Variants in SHISA9 observed in about 807,000 individuals in gnomAD.
SHISA9 encodes the protein protein shisa-9.
SHISA9 carries 13 observed loss-of-function variants against 38.0 expected under a neutral mutation model. The observed-to-expected ratio is 0.34, with a 90% CI of 0.22 to 0.54. The LOEUF (loss-of-function observed/expected upper bound fraction) is 0.54. SHISA9 is among the 20% of genes least tolerant of loss of function. The pLI is 0.91. For synonymous variants in SHISA9, 275 were observed against 242.0 expected (o/e 1.14, Z -1.27); for missense variants, 538 against 575.8 (o/e 0.93, Z 0.67).
At chr16:13,443,619 C>A in the SHISA9 span, among the ~76,000 whole-genome samples, 1 of 152,162 alleles carries the variant, frequency 6.6e-6, no homozygotes, top group Non-Finnish European at 1.5e-5. Flanking sequence ...ATCAATTCTG[C>A]ATGTTCCCAA....
intron 2 of SHISA9, among the ~76,000 whole-genome samples, chr16:13,063,495 G>C (rs2073399902): frequency 6.6e-6 from 1 of 152,178 alleles, no homozygotes. Flanking sequence ...ATCTCGTAAA[G>C]TGGAAATGAC....
chr16:13,295,862 T>C, the SHISA9 span, among the ~76,000 whole-genome samples: 7 of 152,182 alleles, frequency 4.6e-5, no homozygotes, highest in African/African-American at 1.4e-4. Flanking sequence ...GGAAGGAGCA[T>C]TGATTCAGAG....
chr16:13,531,508 G>A, the SHISA9 span, among the ~76,000 whole-genome samples: 1 of 152,164 alleles, frequency 6.6e-6, no homozygotes, highest in Admixed American at 6.5e-5. Flanking sequence ...GGTAGGTGAT[G>A]TTTAAACCCA....
chr16:13,143,708 C>T (rs1010520372), intron 2 of SHISA9, among the ~76,000 whole-genome samples: 7 of 152,230 alleles, frequency 4.6e-5, no homozygotes, highest in Non-Finnish European at 8.8e-5. Context: ...GAATTCTCCC[C>T]CATGGGCCAA....
the SHISA9 span, among the ~76,000 whole-genome samples, chr16:13,468,271 A>G: frequency 6.6e-6 from 1 of 152,186 alleles, no homozygotes. Flanking sequence ...TTCAACAACT[A>G]TTGACTGAGT....
chr16:13,139,884 C>A (rs931006036), intron 2 of SHISA9, among the ~76,000 whole-genome samples: 2 of 152,146 alleles, frequency 1.3e-5, no homozygotes, highest in Non-Finnish European at 2.9e-5. Flanking sequence ...ACTCATTAAG[C>A]TACTGGCTCT....
At chr16:13,125,629 C>T (rs2050249828) in intron 2 of SHISA9, among the ~76,000 whole-genome samples, 1 of 152,170 alleles carries the variant, frequency 6.6e-6, no homozygotes, top group Non-Finnish European at 1.5e-5. Flanking sequence ...GTTACACTAT[C>T]CACTCTTGTA....
chr16:12,963,021 C>T (rs750106299), intron 2 of SHISA9, among the ~76,000 whole-genome samples: 1 of 152,208 alleles, frequency 6.6e-6, no homozygotes. Context: ...CAAGCCCAGT[C>T]CTCCAGCCTT....
the SHISA9 span, among the ~76,000 whole-genome samples, chr16:13,317,522 T>C: frequency 6.6e-6 from 1 of 152,166 alleles, no homozygotes; most frequent in Non-Finnish European, 1.5e-5. Context: ...TACATATGTA[T>C]ACATGTGCCA....
At chr16:13,073,816 A>G (rs766520689) in intron 2 of SHISA9, among the ~76,000 whole-genome samples, 24 of 152,148 alleles carry the variant, frequency 1.6e-4, no homozygotes, top group Non-Finnish European at 2.9e-4. Context: ...GGAACGCCAA[A>G]GATAGCTGGT....
At chr16:13,124,704 C>A (rs1040250899) in intron 2 of SHISA9, among the ~76,000 whole-genome samples, 2 of 152,128 alleles carry the variant, frequency 1.3e-5, no homozygotes, top group South Asian at 4.1e-4. Context: ...ATCACATTAT[C>A]TGACTTCAAA....
At chr16:13,030,035 T>A (rs1167429944) in intron 2 of SHISA9, among the ~76,000 whole-genome samples, 2 of 152,256 alleles carry the variant, frequency 1.3e-5, no homozygotes, top group African/African-American at 2.4e-5. Context: ...ATCATTCATA[T>A]CCAGTGTTTA....
At chr16:13,180,927 T>C (rs1238271676) in intron 2 of SHISA9, among the ~76,000 whole-genome samples, 1 of 152,078 alleles carries the variant, frequency 6.6e-6, no homozygotes, top group East Asian at 1.9e-4. Flanking sequence ...TGGAGTAACA[T>C]TTGGAATCGT....
intron 2 of SHISA9, among the ~76,000 whole-genome samples, chr16:12,968,575 A>G (rs1020076983): frequency 2.0e-5 from 3 of 152,358 alleles, no homozygotes; most frequent in African/African-American, 7.2e-5. Flanking sequence ...GAAATATCAT[A>G]CATTTTTGAG....
At chr16:13,344,636 A>G in the SHISA9 span, among the ~76,000 whole-genome samples, 1 of 152,216 alleles carries the variant, frequency 6.6e-6, no homozygotes, top group Admixed American at 6.5e-5. Context: ...CAATAATGAC[A>G]CAATGGCCAT....
At chr16:12,940,821 T>A (rs762235317) in intron 2 of SHISA9, among the ~76,000 whole-genome samples, 2 of 152,172 alleles carry the variant, frequency 1.3e-5, no homozygotes, top group Non-Finnish European at 2.9e-5. Flanking sequence ...TCTTAAAAAA[T>A]GGTGGTGTTA....
At chr16:12,968,932 C>T (rs1026927814) in intron 2 of SHISA9, among the ~76,000 whole-genome samples, 6 of 151,956 alleles carry the variant, frequency 3.9e-5, no homozygotes. Flanking sequence ...TTTGGGAGGC[C>T]GAGGCTGAGG....
At chr16:12,979,763 C>A (rs1456164818) in intron 2 of SHISA9, among the ~76,000 whole-genome samples, 1 of 151,922 alleles carries the variant, frequency 6.6e-6, no homozygotes, top group African/African-American at 2.4e-5. Flanking sequence ...ATTTAAGTTT[C>A]TTTCTGTCTG....
chr16:13,285,340 T>C, the SHISA9 span, among the ~76,000 whole-genome samples: 2 of 152,174 alleles, frequency 1.3e-5, no homozygotes, highest in African/African-American at 4.8e-5. Flanking sequence ...TTCACAATAA[T>C]TGATGAAATT....
Sources: gnomAD v4.1 joint callset for allele counts (sites outside exome capture counted in the v4.1 genomes callset) on GRCh38, gnomAD v4.1.1 for gene constraint, MANE v1.5 for transcripts, NCBI Gene and HGNC (gene_info 2026-07-23, HGNC 2026-07-21) for gene names.